CALD1: variants seen among roughly 807,000 people sequenced by gnomAD.
CALD1 encodes the protein caldesmon.
In CALD1, 33 loss-of-function variants were observed where a neutral mutation model predicts 99.9. The observed-to-expected ratio is 0.33, with a 90% CI of 0.25 to 0.44. The LOEUF is 0.44. CALD1 is among the 20% of genes least tolerant of loss of function. The pLI is 1.00. For missense variants in CALD1, 861 were observed against 962.1 expected (o/e 0.89, Z 1.39); for synonymous variants, 310 against 325.0 (o/e 0.95, Z 0.50).
chr7:134,761,387 T>C (rs919143946), intron 1 of CALD1, among the ~76,000 whole-genome samples: 1 of 152,122 alleles, frequency 6.6e-6, no homozygotes, highest in Non-Finnish European at 1.5e-5. Flanking sequence ...AAACCACTGC[T>C]CCATAATCTA....
At chr7:134,810,096 A>T (rs1798298387) in intron 1 of CALD1, among the ~76,000 whole-genome samples, 1 of 152,260 alleles carries the variant, frequency 6.6e-6, no homozygotes, top group African/African-American at 2.4e-5. Context: ...GATTAATATT[A>T]TTCTCAGAGG....
At chr7:134,860,013 C>A (rs1800493631) in intron 2 of CALD1, among the ~76,000 whole-genome samples, 1 of 151,994 alleles carries the variant, frequency 6.6e-6, no homozygotes, top group Non-Finnish European at 1.5e-5. Flanking sequence ...GCGGGGAAGG[C>A]AAGGGAAAAA....
intron 8 of CALD1, among the ~76,000 whole-genome samples, chr7:134,949,690 G>T (rs1163467260): frequency 6.6e-6 from 1 of 152,098 alleles, no homozygotes; most frequent in South Asian, 2.1e-4. Context: ...TAGGTAGAAG[G>T]AATATTCATA....
At chr7:134,967,658 A>C (rs751132646) in intron 14 of CALD1, among the ~76,000 whole-genome samples, 2 of 152,192 alleles carry the variant, frequency 1.3e-5, no homozygotes, top group Non-Finnish European at 2.9e-5. Context: ...ATTCAGTCGC[A>C]TGTGCCTGTT....
chr7:134,722,181 C>A, the CALD1 span, among the ~76,000 whole-genome samples: 3 of 152,164 alleles, frequency 2.0e-5, no homozygotes, highest in Non-Finnish European at 4.4e-5. Flanking sequence ...TAAAGCTCAC[C>A]AGGAGTCAAT....
chr7:134,752,202 G>A (rs1796691345), intron 1 of CALD1, among the ~76,000 whole-genome samples: 1 of 152,206 alleles, frequency 6.6e-6, no homozygotes, highest in Admixed American at 6.5e-5. Flanking sequence ...TCTTGGGGGT[G>A]TGACTTGGAC....
the CALD1 span, among the ~76,000 whole-genome samples, chr7:134,727,127 T>G: frequency 6.6e-6 from 1 of 152,220 alleles, no homozygotes; most frequent in African/African-American, 2.4e-5. Context: ...GTTTTGCCTC[T>G]CATCAAGATT....
intron 3 of CALD1, among the ~76,000 whole-genome samples, chr7:134,909,904 G>C (rs1803676367): frequency 6.6e-6 from 1 of 152,144 alleles, no homozygotes; most frequent in Admixed American, 6.5e-5. Context: ...ATCTCAAAAA[G>C]GGAGATGTGG....
chr7:134,890,258 A>C (rs1177512503), intron 3 of CALD1, among the ~76,000 whole-genome samples: 2 of 152,192 alleles, frequency 1.3e-5, no homozygotes, highest in Admixed American at 1.3e-4. Flanking sequence ...AACAACCAAA[A>C]TGTTCTAGCT....
chr7:134,724,412 G>A, the CALD1 span, among the ~76,000 whole-genome samples: 3 of 152,186 alleles, frequency 2.0e-5, no homozygotes, highest in African/African-American at 4.8e-5. Context: ...AGCGCCTGGG[G>A]TTGTAGCTCA....
chr7:134,846,897 A>AT (rs1799873611), intron 2 of CALD1, among the ~76,000 whole-genome samples: 1 of 152,186 alleles, frequency 6.6e-6, no homozygotes, highest in African/African-American at 2.4e-5. Flanking sequence ...TGGGTCAGTG[A>AT]TTTTATGCAA....
intron 1 of CALD1, among the ~76,000 whole-genome samples, chr7:134,771,392 T>C (rs1796876939): frequency 1.3e-5 from 2 of 151,732 alleles, no homozygotes; most frequent in South Asian, 4.1e-4. Context: ...AGCACTCCCA[T>C]TCACTCCATT....
intron 1 of CALD1, among the ~76,000 whole-genome samples, chr7:134,796,311 G>T (rs1229701986): frequency 6.6e-6 from 1 of 152,196 alleles, no homozygotes; most frequent in Admixed American, 6.5e-5. Context: ...TGATGCCAAG[G>T]TGGGGAGCAA....
At chr7:134,714,480 C>G in the CALD1 span, among the ~76,000 whole-genome samples, 2 of 152,180 alleles carry the variant, frequency 1.3e-5, no homozygotes, top group East Asian at 3.9e-4. Flanking sequence ...TTGCTCTCAT[C>G]TTAGGCCACT....
chr7:134,849,639 G>T (rs1799995931), intron 2 of CALD1, among the ~76,000 whole-genome samples: 1 of 151,642 alleles, frequency 6.6e-6, no homozygotes, highest in East Asian at 1.9e-4. Flanking sequence ...TCTATCCCTG[G>T]TTGATTGAAT....
At chr7:134,801,411 C>T (rs1160663821) in intron 1 of CALD1, among the ~76,000 whole-genome samples, 1 of 152,182 alleles carries the variant, frequency 6.6e-6, no homozygotes, top group Non-Finnish European at 1.5e-5. Context: ...TAGCATCTCA[C>T]TCCCTATTTC....
intron 3 of CALD1, among the ~76,000 whole-genome samples, chr7:134,878,878 G>A (rs777820036): frequency 1.3e-5 from 2 of 152,078 alleles, no homozygotes; most frequent in African/African-American, 2.4e-5. Context: ...TGAGGTGGGA[G>A]GATTACTTGA....
chr7:134,724,172 A>T, the CALD1 span, among the ~76,000 whole-genome samples: 3 of 152,214 alleles, frequency 2.0e-5, no homozygotes, highest in African/African-American at 7.2e-5. Flanking sequence ...AAGCCTGGCC[A>T]GCTTCGAGTT....
At chr7:134,848,099 A>G (rs906959743) in intron 2 of CALD1, among the ~76,000 whole-genome samples, 3 of 149,254 alleles carry the variant, frequency 2.0e-5, no homozygotes, top group Non-Finnish European at 3.0e-5. Context: ...AGTCTGGGGA[A>G]AAAAAAAAAG....
Sources: gnomAD v4.1 joint callset for allele counts (sites outside exome capture counted in the v4.1 genomes callset) on GRCh38, gnomAD v4.1.1 for gene constraint, MANE v1.5 for transcripts, NCBI Gene and HGNC (gene_info 2026-07-23, HGNC 2026-07-21) for gene names.